Variants in TAFA2 observed in about 807,000 individuals in gnomAD.
TAFA2 encodes the protein chemokine-like protein TAFA-2.
In TAFA2, 7 loss-of-function variants were observed where a neutral mutation model predicts 18.8. That is an observed-to-expected ratio of 0.37 (90% CI 0.21 to 0.70). TAFA2 has a LOEUF of 0.70. TAFA2 is among the 30% of genes least tolerant of loss of function. The pLI is 0.53. For synonymous variants in TAFA2, 60 were observed against 54.2 expected, an observed-to-expected ratio of 1.11 and a Z score of -0.47; for missense variants, 122 against 158.1, an observed-to-expected ratio of 0.77 and a Z score of 1.23.
chr12:62,229,609 T>C (rs1305263164), intron 1 of TAFA2, among the ~76,000 whole-genome samples: 1 of 152,160 alleles, frequency 6.6e-6, no homozygotes, highest in Non-Finnish European at 1.5e-5. Flanking sequence ...TTGTATTTGG[T>C]TGCTAGTATT....
At chr12:62,215,540 G>GA (rs1365009595) in intron 1 of TAFA2, among the ~76,000 whole-genome samples, 2 of 96,872 alleles carry the variant, frequency 2.1e-5, no homozygotes, top group African/African-American at 7.6e-5. Context: ...GTCTCTGCTG[G>GA]AAAAAAGAAA....
chr12:61,784,141 G>T (rs2120896590), intron 2 of TAFA2, among the ~76,000 whole-genome samples: 1 of 151,578 alleles, frequency 6.6e-6, no homozygotes, highest in East Asian at 2.0e-4. Context: ...AAGAAGAAAG[G>T]ATATAATCTA....
At chr12:61,815,204 A>T (rs1872030189) in intron 2 of TAFA2, among the ~76,000 whole-genome samples, 1 of 151,488 alleles carries the variant, frequency 6.6e-6, no homozygotes, top group African/African-American at 2.5e-5. Flanking sequence ...ATTGGATTGG[A>T]TCTATAAATT....
intron 1 of TAFA2, among the ~76,000 whole-genome samples, chr12:62,085,066 G>A (rs1868397254): frequency 6.6e-6 from 1 of 152,100 alleles, no homozygotes; most frequent in Non-Finnish European, 1.5e-5. Flanking sequence ...AGCCTCCCCA[G>A]AAAAGAGAGA....
At chr12:61,997,209 C>A (rs1009181993) in intron 1 of TAFA2, among the ~76,000 whole-genome samples, 1 of 117,788 alleles carries the variant, frequency 8.5e-6, no homozygotes. Context: ...ATATATATAA[C>A]CCATTAAGTG....
chr12:61,955,488 G>C (rs1479418459), intron 1 of TAFA2, among the ~76,000 whole-genome samples: 1 of 148,388 alleles, frequency 6.7e-6, no homozygotes, highest in Non-Finnish European at 1.5e-5. Flanking sequence ...TGTAGACCCA[G>C]CTACTCAGGA....
At chr12:62,119,811 C>T (rs918199346) in intron 1 of TAFA2, among the ~76,000 whole-genome samples, 2 of 152,244 alleles carry the variant, frequency 1.3e-5, no homozygotes, top group African/African-American at 4.8e-5. Flanking sequence ...CGGTGGCTCA[C>T]ACCTATAATC....
chr12:62,160,703 C>T (rs529858703), intron 1 of TAFA2, among the ~76,000 whole-genome samples: 10 of 152,270 alleles, frequency 6.6e-5, no homozygotes, highest in East Asian at 1.9e-4. Context: ...AGAGTTTACA[C>T]GTTCTCCCCA....
chr12:61,961,155 G>T (rs1403775229), intron 1 of TAFA2, among the ~76,000 whole-genome samples: 2 of 151,946 alleles, frequency 1.3e-5, no homozygotes, highest in South Asian at 2.1e-4. Context: ...GAGAGAGAAG[G>T]TGGGAGGTGC....
intron 1 of TAFA2, among the ~76,000 whole-genome samples, chr12:61,952,980 G>C (rs1362351648): frequency 6.6e-6 from 1 of 152,058 alleles, no homozygotes; most frequent in Non-Finnish European, 1.5e-5. Flanking sequence ...CAAGACCAAA[G>C]TCTGGCTAGA....
intron 1 of TAFA2, among the ~76,000 whole-genome samples, chr12:61,984,000 G>A (rs148847803): frequency 6.6e-6 from 1 of 152,006 alleles, no homozygotes; most frequent in African/African-American, 2.4e-5. Context: ...AATGTAAAGA[G>A]AGCTCTCTCC....
chr12:62,125,378 GC>G, intron 1 of TAFA2, among the ~76,000 whole-genome samples: 1 of 152,170 alleles, frequency 6.6e-6, no homozygotes, highest in South Asian at 2.1e-4. Flanking sequence ...CATGAAGCTG[GC>G]CCGGCTCTGC....
intron 1 of TAFA2, among the ~76,000 whole-genome samples, chr12:62,084,022 A>T (rs894812697): frequency 6.6e-6 from 1 of 152,180 alleles, no homozygotes; most frequent in Non-Finnish European, 1.5e-5. Flanking sequence ...TTTTAAACTG[A>T]ACTCCAAATT....
chr12:61,878,190 T>G (rs1415360522), intron 1 of TAFA2: 3 of 436,924 alleles, frequency 6.9e-6, no homozygotes, highest in African/African-American at 4.1e-5. Context: ...TATGGAGTTT[T>G]TGTACAGGAT....
chr12:62,249,885 C>T (rs372975749), intron 1 of TAFA2, among the ~76,000 whole-genome samples: 62 of 152,268 alleles, frequency 4.1e-4, no homozygotes, highest in Non-Finnish European at 7.4e-4. Context: ...TGCCTCACAG[C>T]GGGTTTGGAT....
chr12:61,993,558 G>T (rs1212782697), intron 1 of TAFA2, among the ~76,000 whole-genome samples: 2 of 151,976 alleles, frequency 1.3e-5, no homozygotes. Flanking sequence ...TTTGACCTAG[G>T]TGTCAAAAGC....
At chr12:61,943,954 C>G (rs1295936109) in intron 1 of TAFA2, among the ~76,000 whole-genome samples, 2 of 144,094 alleles carry the variant, frequency 1.4e-5, no homozygotes, top group East Asian at 4.0e-4. Flanking sequence ...CCAAGCGGAC[C>G]TAATAGACAT....
intron 1 of TAFA2, among the ~76,000 whole-genome samples, chr12:62,108,962 A>G (rs993736237): frequency 2.6e-5 from 4 of 152,124 alleles, no homozygotes; most frequent in African/African-American, 4.8e-5. Flanking sequence ...TTATTTTGCT[A>G]TGCAGAAGCT....
intron 2 of TAFA2, among the ~76,000 whole-genome samples, chr12:61,846,951 G>T (rs1248912265): frequency 6.6e-6 from 1 of 152,098 alleles, no homozygotes; most frequent in Non-Finnish European, 1.5e-5. Context: ...ATCATAGCTT[G>T]CAGTCTTCCT....
Sources: gnomAD v4.1 joint callset for allele counts (sites outside exome capture counted in the v4.1 genomes callset) on GRCh38, gnomAD v4.1.1 for gene constraint, MANE v1.5 for transcripts, NCBI Gene and HGNC (gene_info 2026-07-23, HGNC 2026-07-21) for gene names.